CSMD1: variants seen among roughly 807,000 people sequenced by gnomAD.
CSMD1 encodes the protein CUB and sushi domain-containing protein 1.
A neutral mutation model predicts 417.5 loss-of-function variants in CSMD1; 213 were observed. The ratio of observed to expected loss-of-function variants is 0.51; its 90% CI spans 0.46 to 0.57. The LOEUF (loss-of-function observed/expected upper bound fraction) is 0.57, where lower values mean the gene tolerates loss of function less well. Among genes scored for constraint, CSMD1 ranks in the 20% least tolerant of loss-of-function variants. CSMD1 has a pLI of 0.00. For synonymous variants in CSMD1, 2,862 were observed against 1,736.8 expected, an observed-to-expected ratio of 1.65 and a Z score of -16.11; for missense variants, 6,923 against 4,529.7, an observed-to-expected ratio of 1.53 and a Z score of -15.17.
chr8:4,539,324 G>C (rs1797264628), intron 2 of CSMD1, among the ~76,000 whole-genome samples: 1 of 152,140 alleles, frequency 6.6e-6, no homozygotes, highest in African/African-American at 2.4e-5. Context: ...GACATTTTCA[G>C]TCTAAATAGA....
At chr8:4,746,812 T>A (rs1159280825) in intron 1 of CSMD1, among the ~76,000 whole-genome samples, 1 of 152,144 alleles carries the variant, frequency 6.6e-6, no homozygotes, top group Non-Finnish European at 1.5e-5. Flanking sequence ...ACTGTGTGGG[T>A]TCTCTCTCAG....
At chr8:3,487,224 C>T (rs1818093994) in intron 11 of CSMD1, among the ~76,000 whole-genome samples, 2 of 151,276 alleles carry the variant, frequency 1.3e-5, no homozygotes, top group Non-Finnish European at 1.5e-5. Flanking sequence ...GTTTTTGAGA[C>T]AGAGTCTAGC....
At chr8:2,996,149 T>C (rs934778781) in intron 54 of CSMD1, among the ~76,000 whole-genome samples, 1 of 152,032 alleles carries the variant, frequency 6.6e-6, no homozygotes, top group South Asian at 2.1e-4. Flanking sequence ...TATTTACTCA[T>C]TCAACAGAGA....
chr8:3,946,367 C>T (rs2627520), intron 5 of CSMD1, among the ~76,000 whole-genome samples: 63,313 of 151,934 alleles, frequency 0.42, 14,061 homozygotes, highest in Non-Finnish European at 0.5. Flanking sequence ...CACGTATGTG[C>T]TGGCCTGTCT....
At chr8:3,277,150 C>A (rs562264530) in intron 26 of CSMD1, among the ~76,000 whole-genome samples, 1 of 152,100 alleles carries the variant, frequency 6.6e-6, no homozygotes, top group South Asian at 2.1e-4. Flanking sequence ...TAGGCTTTGC[C>A]AGAGTGGAGG....
At position 3,307,839 on chromosome 8, in the gene CSMD1, A is replaced by G; in HGVS notation, c.3824-18T>C. 1 of 1,604,896 alleles carries G rather than the reference A, an allele frequency of 6.2e-7. No individual in the cohort carries two copies. The highest frequency in any genetic ancestry group is 8.5e-7 in the Non-Finnish European group (1 of 1,176,918). ...ACATTCCGCTGTAGAAGACACAGAG[A>G]GATGGGAACGTTCAGCTTCAGGCAT... On this transcript the variant is annotated intron_variant, in intron 24 of 69. Transcript: ENST00000635120.
At chr8:4,060,492 T>C (rs1798915905) in intron 3 of CSMD1, among the ~76,000 whole-genome samples, 1 of 152,132 alleles carries the variant, frequency 6.6e-6, no homozygotes, top group Non-Finnish European at 1.5e-5. Flanking sequence ...AGGAAGGAGC[T>C]GAGGTTTTAG....
At chr8:3,088,583 G>A (rs1563326106) in intron 48 of CSMD1, among the ~76,000 whole-genome samples, 4 of 151,928 alleles carry the variant, frequency 2.6e-5, no homozygotes, top group African/African-American at 9.7e-5. Context: ...TACGAGAAGT[G>A]TCCTCAGAAA....
chr8:3,108,067 T>G (rs1385886809), intron 44 of CSMD1, among the ~76,000 whole-genome samples: 1 of 152,250 alleles, frequency 6.6e-6, no homozygotes, highest in Non-Finnish European at 1.5e-5. Flanking sequence ...TACAGATGTT[T>G]GGAATTCTGC....
At chr8:4,101,083 A>G (rs992791275) in intron 3 of CSMD1, among the ~76,000 whole-genome samples, 3 of 152,208 alleles carry the variant, frequency 2.0e-5, no homozygotes, top group South Asian at 2.1e-4. Flanking sequence ...CGCTGGGTTC[A>G]GAACTATGCA....
intron 7 of CSMD1, among the ~76,000 whole-genome samples, chr8:3,647,069 G>C (rs1797613198): frequency 6.6e-6 from 1 of 152,124 alleles, no homozygotes; most frequent in Non-Finnish European, 1.5e-5. Context: ...GTTTTCTTTT[G>C]TGAAGTGGAG....
chr8:4,722,908 T>C (rs1412229951), intron 1 of CSMD1, among the ~76,000 whole-genome samples: 1 of 152,204 alleles, frequency 6.6e-6, no homozygotes, highest in Admixed American at 6.5e-5. Flanking sequence ...ATCTTACTGC[T>C]ATTTTCTATA....
At chr8:4,071,122 TTTC>T (rs1441789494) in intron 3 of CSMD1, among the ~76,000 whole-genome samples, 1 of 152,114 alleles carries the variant, frequency 6.6e-6, no homozygotes, top group African/African-American at 2.4e-5. Flanking sequence ...AGTCTTTTTT[TTTC>T]TTTTTTTTCC....
Position 2,963,132 on chromosome 8 carries a change from T to A in CSMD1, c.9454+90A>T, listed in dbSNP as rs7832045. 3.1e-5 allele frequency: 43 copies of A among 1,389,792 alleles called. 1 individual carries two copies. In the South Asian group the frequency reaches 5.0e-4, roughly 16 times the overall value. 86.1% of individuals were successfully genotyped at this position (1,389,792 alleles called of 1,614,324 possible). A position where few individuals can be genotyped will look rare whatever the true frequency, so the allele number is the denominator to read the frequency against. On this transcript the variant is annotated intron_variant, in intron 60 of 69. Coordinates refer to ENST00000635120, the MANE Select transcript of CSMD1 (RefSeq NM_033225.6). ...GGGCTATTATTACCCACCAGGAAGG[T>A]CCTCAGATTGTAACCTTAGGATGTG...
chr8:3,656,922 C>CT (rs1440759665), intron 7 of CSMD1, among the ~76,000 whole-genome samples: 2 of 96,060 alleles, frequency 2.1e-5, no homozygotes, highest in African/African-American at 5.4e-5. Flanking sequence ...AAGACTCTGT[C>CT]TAAAAAAAAA....
chr8:4,103,930 T>C lies in CSMD1; in HGVS notation c.416-71831A>G, dbSNP rs561675786. Among the ~76,000 whole-genome samples the C allele has an allele frequency of 5.9e-5, 9 of 152,336 alleles. No homozygotes were observed. In the South Asian group the frequency reaches 1.9e-3, roughly 32 times the overall value. On this transcript the variant is annotated intron_variant, in intron 3 of 69. Transcript: ENST00000635120. ...AAGGCCAAACAGCTTTGTGCCTGTGTTGCAACATTCACTCCTCAAACCCTG... is the reference window on the plus strand; with the variant it reads ...AAGGCCAAACAGCTTTGTGCCTGTGCTGCAACATTCACTCCTCAAACCCTG...
chr8:3,291,633 T>C (rs2117280252), intron 25 of CSMD1, among the ~76,000 whole-genome samples: 1 of 152,358 alleles, frequency 6.6e-6, no homozygotes, highest in Admixed American at 6.5e-5. Context: ...TATAGTATTC[T>C]CTGATGGTAG....
At chr8:4,020,279 G>C (rs1008724639) in intron 4 of CSMD1, among the ~76,000 whole-genome samples, 2 of 152,190 alleles carry the variant, frequency 1.3e-5, no homozygotes, top group African/African-American at 4.8e-5. Context: ...TTTGCCCCAG[G>C]TGACCAGTGC....
chr8:4,084,836 C>T (rs748886596), intron 3 of CSMD1, among the ~76,000 whole-genome samples: 1 of 151,234 alleles, frequency 6.6e-6, no homozygotes, highest in Non-Finnish European at 1.5e-5. Flanking sequence ...AGCTCTGTTC[C>T]ATCTTGAAGA....
Sources: gnomAD v4.1 joint callset for allele counts (sites outside exome capture counted in the v4.1 genomes callset) on GRCh38, gnomAD v4.1.1 for gene constraint, MANE v1.5 for transcripts, NCBI Gene and HGNC (gene_info 2026-07-23, HGNC 2026-07-21) for gene names.